DDX24: variants seen among roughly 807,000 people sequenced by gnomAD.
DDX24 encodes the protein ATP-dependent RNA helicase DDX24.
A neutral mutation model predicts 68.9 loss-of-function variants in DDX24; 24 were observed. That is an observed-to-expected ratio of 0.35 (90% CI 0.25 to 0.49). The LOEUF is 0.49. DDX24 is among the 20% of genes least tolerant of loss of function. The pLI, the probability that DDX24 is intolerant of heterozygous loss-of-function variation, is 0.99. For synonymous variants in DDX24, 395 were observed against 385.2 expected (o/e 1.03, Z -0.30); for missense variants, 989 against 1,039.0 (o/e 0.95, Z 0.66).
In DDX24 at chr14:94,060,775, G is replaced by A. The variant is rs1040667535; in HGVS notation, c.1397+138C>T. ...CAACTAATCTCCCTCATGCACTCTT[G>A]GCTTTCTAAAGGCCAGGGTCTGGAT... On this transcript the variant is annotated intron_variant, in intron 4 of 8. Coordinates refer to ENST00000621632, the MANE Select transcript of DDX24 (RefSeq NM_020414.4). The A allele has an allele frequency of 5.4e-6, 8 of 1,469,448 alleles. No homozygotes were observed. In the African/African-American group the frequency reaches 9.9e-5, roughly 18 times the overall value. The allele number at this position is 1,469,448 out of a possible 1,614,324, so 91.0% of individuals were successfully genotyped here.
intron 2 of DDX24, among the ~76,000 whole-genome samples, chr14:94,076,868 G>A (rs111448352): frequency 5.1e-4 from 78 of 152,078 alleles, no homozygotes; most frequent in African/African-American, 1.8e-3. Context: ...GAAGGTAGGG[G>A]TCCACTTATA....
At chr14:94,070,999 A>C (rs1004176530) in intron 2 of DDX24, among the ~76,000 whole-genome samples, 1 of 152,238 alleles carries the variant, frequency 6.6e-6, no homozygotes, top group South Asian at 2.1e-4. Flanking sequence ...ATAAAAACAA[A>C]GATAAATATC....
chr14:94,062,057 T>A (rs375989603), intron 3 of DDX24, 40 bp downstream of exon 3: 13 of 1,552,372 alleles, frequency 8.4e-6, no homozygotes, highest in Non-Finnish European at 9.6e-6. Flanking sequence ...GCATTTGGGA[T>A]TTACCTAGAA....
At chr14:94,053,208 G>C (rs1567056966) in intron 7 of DDX24, 81 bp from the exon 8 acceptor site, 3 of 1,589,776 alleles carry the variant, frequency 1.9e-6, no homozygotes, top group Non-Finnish European at 1.7e-6. Flanking sequence ...AGTTGTGTTT[G>C]TGTGTTTAAG....
chr14:94,075,546 A>G (rs1885920587), intron 2 of DDX24, among the ~76,000 whole-genome samples: 1 of 152,240 alleles, frequency 6.6e-6, no homozygotes, highest in Non-Finnish European at 1.5e-5. Context: ...GACTATTAAC[A>G]CTTCTAGAAC....
intron 2 of DDX24, among the ~76,000 whole-genome samples, chr14:94,077,810 T>C (rs774666789): frequency 4.6e-5 from 7 of 151,924 alleles, no homozygotes; most frequent in African/African-American, 7.3e-5. Flanking sequence ...ACTTAAAATG[T>C]AGTTACTCTA....
intron 2 of DDX24, among the ~76,000 whole-genome samples, chr14:94,069,398 G>A (rs1232863226): frequency 2.6e-5 from 4 of 152,092 alleles, no homozygotes; most frequent in African/African-American, 4.8e-5. Flanking sequence ...AAAAAGTCCA[G>A]AACCAGACGG....
intron 2 of DDX24, among the ~76,000 whole-genome samples, chr14:94,073,159 C>G (rs1885868508): frequency 1.3e-5 from 2 of 149,792 alleles, no homozygotes; most frequent in Non-Finnish European, 3.0e-5. Flanking sequence ...AATCTCAGCT[C>G]ACTGCAACCT....
chr14:94,065,832 G>A (rs1885693896), intron 2 of DDX24, among the ~76,000 whole-genome samples: 1 of 152,208 alleles, frequency 6.6e-6, no homozygotes, highest in South Asian at 2.1e-4. Flanking sequence ...AGAAGAAGCA[G>A]CAGAAAGGCC....
chr14:94,055,135 C>T lies in DDX24; in HGVS notation c.2039G>A (p.Arg680Gln), dbSNP rs772829748. Residue 680 changes from arginine (R) to glutamine (Q), a missense_variant, in exon 7 of 9, where the codon CGA becomes CAA. Physicochemically the swap from Arg to Gln is conservative, Grantham distance 43. This residue lies in a region of DDX24 where 691 missense variants were observed against 760.0 expected (regional missense o/e 0.91). Coordinates refer to ENST00000621632, the MANE Select transcript of DDX24 (RefSeq NM_020414.4). ...IYVHRSGRTA[R>Q]ATNEGLSLML... The stretch of plus-strand genomic sequence containing the variant: ...CAGACTGAGGCCTTCATTGGTAGCT[C>T]GAGCAGTTCGACCACTTCGGTGGAC... 1.1e-5 allele frequency: 17 copies of T among 1,614,014 alleles called. No individual in the cohort carries two copies. The Admixed American group carries it at 1.2e-4, about 11-fold the overall frequency.
intron 8 of DDX24, among the ~76,000 whole-genome samples, chr14:94,052,245 T>C (rs188255749): frequency 6.6e-6 from 1 of 152,340 alleles, no homozygotes; most frequent in East Asian, 1.9e-4. Context: ...GTTCTACCAC[T>C]TTTTAGACCA....
intron 2 of DDX24, among the ~76,000 whole-genome samples, chr14:94,064,615 AC>A (rs951298739): frequency 6.6e-6 from 1 of 152,196 alleles, no homozygotes; most frequent in Non-Finnish European, 1.5e-5. Flanking sequence ...AGGGTGGTGT[AC>A]CCAGGGACCA....
chr14:94,062,405 T>C lies in DDX24; in HGVS notation c.935A>G (p.Asp312Gly). The C allele has an allele frequency of 6.2e-7, 1 of 1,614,174 alleles. No individual in the cohort carries two copies. The highest frequency in any genetic ancestry group is 1.1e-5 in the South Asian group (1 of 91,082). ...TVIESEALPS[D>G]IAAEARAKTG... ...CTTGGCTCTGGCCTCGGCTGCAATA[T>C]CACTGGGCAGTGCTTCACTCTCAAT... The change falls in exon 3 of 9, where the codon GAT becomes GGT. Residue 312 changes from aspartate (D) to glycine (G), a missense_variant. Transcript: ENST00000621632.
In DDX24 at chr14:94,055,189, C is replaced by T. The variant is rs748133717; in HGVS notation, c.1990-5G>A. ...AATCTCCGAGGTACGTGGGACCTGCCACAGGAAGAACTGGGAGATCAATAC... is the reference window on the plus strand; with the variant it reads ...AATCTCCGAGGTACGTGGGACCTGCTACAGGAAGAACTGGGAGATCAATAC... On this transcript the variant is annotated splice_polypyrimidine_tract_variant and splice_region_variant and intron_variant, in intron 6 of 8. Coordinates refer to ENST00000621632, the MANE Select transcript of DDX24 (RefSeq NM_020414.4). The T allele has an allele frequency of 6.2e-7, 1 of 1,611,152 alleles. No individual in the cohort carries two copies. Among genetic ancestry groups the T allele is most frequent in the South Asian group, 1.1e-5 (1 of 90,872 alleles).
In DDX24 at chr14:94,052,992, G is replaced by GA. The variant is rs1424773708; in HGVS notation, c.2308+5_2308+6insT. The GA allele has an allele frequency of 1.2e-6, 2 of 1,610,240 alleles. No individual in the cohort carries two copies. Among genetic ancestry groups the GA allele is most frequent in the Non-Finnish European group, 8.5e-7 (1 of 1,177,722 alleles). ...TCCTCAATTCCCATCCCGCCCAAGGGCTTACCCTTATACATGTCTTCTTCC... is the reference window on the plus strand; with the variant it reads ...TCCTCAATTCCCATCCCGCCCAAGGGACTTACCCTTATACATGTCTTCTTCC... On this transcript the variant is annotated splice_donor_region_variant and intron_variant, in intron 8 of 8. Coordinates refer to ENST00000621632, the MANE Select transcript of DDX24 (RefSeq NM_020414.4).
At chr14:94,052,576 AT>A (rs1885407769) in intron 8 of DDX24, among the ~76,000 whole-genome samples, 1 of 152,222 alleles carries the variant, frequency 6.6e-6, no homozygotes, top group African/African-American at 2.4e-5. Flanking sequence ...AGCACTTAAC[AT>A]TTTTTAACTC....
At chr14:94,071,811 G>C (rs1487439719) in intron 2 of DDX24, among the ~76,000 whole-genome samples, 1 of 152,032 alleles carries the variant, frequency 6.6e-6, no homozygotes, top group African/African-American at 2.4e-5. Flanking sequence ...TGGGTATGGT[G>C]GCGCATGCCT....
rs373138665 is a variant in DDX24, at chr14:94,060,695, A to AACAC, written c.1398-86_1398-83dup. ...TATAGCACACCCTACACTCATCCTA[A>AACAC]ACACACACACACACACACGTACACA... On this transcript the variant is annotated intron_variant, in intron 4 of 8. Transcript: ENST00000621632. 2,863 of 1,464,298 alleles carry AACAC rather than the reference A, an allele frequency of 2.0e-3. 35 individuals are homozygous for AACAC. In the African/African-American group the frequency reaches 0.034, roughly 18 times the overall value. The allele number at this position is 1,464,298 out of a possible 1,614,324, so 90.7% of individuals were successfully genotyped here. A position where few individuals can be genotyped will look rare whatever the true frequency, so the allele number is the denominator to read the frequency against.
chr14:94,064,407 T>C lies in DDX24; in HGVS notation c.719-1786A>G, dbSNP rs78036785. On this transcript the variant is annotated intron_variant, in intron 2 of 8. Transcript: ENST00000621632. ...TCTTTTTGCATGTTAATAAGATGAC[T>C]AGTGGCTGGAGTCCCTAGACAGCTT... Among the ~76,000 whole-genome samples the C allele has an allele frequency of 1.8e-3, 272 of 152,360 alleles. 2 individuals are homozygous for C. The highest frequency in any genetic ancestry group is 6.3e-3 in the African/African-American group (264 of 41,584).
Sources: gnomAD v4.1 joint callset for allele counts (sites outside exome capture counted in the v4.1 genomes callset) on GRCh38, gnomAD v4.1.1 for gene constraint, gnomAD v4.1.1 regional missense constraint, MANE v1.5 for transcripts, NCBI Gene and HGNC (gene_info 2026-07-23, HGNC 2026-07-21) for gene names.